DNAH5: variants seen among roughly 807,000 people sequenced by gnomAD.
The protein encoded by DNAH5 is axonemal beta dynein heavy chain 5.
DNAH5 carries 372 observed loss-of-function variants against 518.2 expected under a neutral mutation model. The ratio of observed to expected loss-of-function variants is 0.72; its 90% CI spans 0.66 to 0.78. The LOEUF (loss-of-function observed/expected upper bound fraction) is 0.78, where lower values mean the gene tolerates loss of function less well. Among genes scored for constraint, DNAH5 ranks in the 30% least tolerant of loss-of-function variants. The probability of loss-of-function intolerance (pLI) is 0.00; values close to 1 mark genes in which losing one functional copy is unlikely to be tolerated. For synonymous variants in DNAH5, 2,039 were observed against 2,025.9 expected (o/e 1.01, Z -0.17); for missense variants, 5,523 against 5,687.0 (o/e 0.97, Z 0.93).
In DNAH5 at chr5:13,873,961, G is replaced by GCTCCAA. The variant is rs1770510730; in HGVS notation, c.3397-2197_3397-2196insTTGGAG. On this transcript the variant is annotated intron_variant, in intron 22 of 78. Coordinates refer to ENST00000265104, the MANE Select transcript of DNAH5 (RefSeq NM_001369.3). ...AACTGAGCATTACAGGATTCTAAAT[G>GCTCCAA]GTCTGATTATTTTAAGTAAATTGCA... 5.3e-5 allele frequency among the ~76,000 whole-genome samples: 8 copies of GCTCCAA among 152,260 alleles called. No homozygotes were observed. In the South Asian group the frequency reaches 1.7e-3, roughly 32 times the overall value.
intron 78 of DNAH5, among the ~76,000 whole-genome samples, chr5:13,692,771 A>T (rs1284554044): frequency 1.3e-5 from 2 of 152,210 alleles, no homozygotes; most frequent in African/African-American, 4.8e-5. Flanking sequence ...CACTGCAATG[A>T]AAGGCAATCT....
At chr5:13,771,925 T>C (rs538384198) in intron 55 of DNAH5, among the ~76,000 whole-genome samples, 1 of 152,288 alleles carries the variant, frequency 6.6e-6, no homozygotes, top group African/African-American at 2.4e-5. Context: ...ACCCAATCAC[T>C]AAATTAAGTT....
intron 1 of DNAH5, among the ~76,000 whole-genome samples, chr5:13,935,302 G>GA (rs775824261): frequency 7.9e-5 from 12 of 151,732 alleles, no homozygotes; most frequent in Non-Finnish European, 1.5e-4. Flanking sequence ...TGATTCCAGA[G>GA]AAAAAAACAT....
At chr5:13,771,661 C>T (rs1329878120) in intron 55 of DNAH5, among the ~76,000 whole-genome samples, 3 of 152,142 alleles carry the variant, frequency 2.0e-5, no homozygotes, top group East Asian at 1.9e-4. Context: ...ATGCCTGTTG[C>T]GGAGCCACCA....
chr5:13,748,631 C>T (rs1749762657), intron 65 of DNAH5, among the ~76,000 whole-genome samples: 2 of 152,164 alleles, frequency 1.3e-5, no homozygotes, highest in African/African-American at 4.8e-5. Context: ...ATTCTATTCT[C>T]TTTGAAGCAA....
chr5:13,828,390 A>T (rs1763193704), intron 38 of DNAH5, among the ~76,000 whole-genome samples: 1 of 152,228 alleles, frequency 6.6e-6, no homozygotes, highest in South Asian at 2.1e-4. Flanking sequence ...TATTTAGCAT[A>T]TATTTCTAGT....
upstream of DNAH5, among the ~76,000 whole-genome samples, chr5:13,946,169 C>T (rs1779896664): frequency 1.3e-5 from 2 of 152,136 alleles, no homozygotes; most frequent in South Asian, 2.1e-4. Context: ...ACATTTGAAT[C>T]GGTGCTTCCC....
At chr5:13,936,682 T>G (rs1778952812) in intron 1 of DNAH5, among the ~76,000 whole-genome samples, 1 of 152,240 alleles carries the variant, frequency 6.6e-6, no homozygotes, top group South Asian at 2.1e-4. Flanking sequence ...TAAAATGGCA[T>G]GACCAAGGAT....
At chr5:13,849,888 G>C (rs1257797033) in intron 31 of DNAH5, among the ~76,000 whole-genome samples, 1 of 152,046 alleles carries the variant, frequency 6.6e-6, no homozygotes, top group African/African-American at 2.4e-5. Context: ...CAGTATTTAA[G>C]CCATCAACTG....
rs115010880 is a variant in DNAH5, at chr5:13,874,301, C to T, written c.3396+2383G>A. 4.4e-3 allele frequency among the ~76,000 whole-genome samples: 667 copies of T among 152,254 alleles called. 3 individuals carry two copies. Among genetic ancestry groups the T allele is most frequent in the African/African-American group, 0.015 (638 of 41,536 alleles). On this transcript the variant is annotated intron_variant, in intron 22 of 78. Transcript: ENST00000265104. Reference sequence around the variant, plus strand: ...TCCAGAATCCAGAGCTCTCTCACCACCCAAGCTTATAATATTAAGAATATA... The same window carrying T: ...TCCAGAATCCAGAGCTCTCTCACCATCCAAGCTTATAATATTAAGAATATA...
At chr5:13,964,331 G>C (rs549587324) in intron 1 of DNAH5, among the ~76,000 whole-genome samples, 1 of 152,272 alleles carries the variant, frequency 6.6e-6, no homozygotes, top group African/African-American at 2.4e-5. Context: ...GACTGGGTGA[G>C]TCTCTCCTGA....
At chr5:13,769,209 C>G (rs1182592514) in intron 57 of DNAH5, 73 bp from the exon 58 acceptor site, 5 of 1,510,170 alleles carry the variant, frequency 3.3e-6, no homozygotes, top group Non-Finnish European at 3.7e-6. Context: ...ACATTTTTGC[C>G]TTGATTTGTT....
intron 71 of DNAH5, among the ~76,000 whole-genome samples, chr5:13,720,206 C>T (rs1046092476): frequency 4.6e-5 from 7 of 151,532 alleles, no homozygotes; most frequent in Admixed American, 3.9e-4. Context: ...CTTATATTTT[C>T]TTCAGAAATT....
chr5:13,890,479 T>C (rs1016207669), intron 17 of DNAH5, among the ~76,000 whole-genome samples: 1 of 151,950 alleles, frequency 6.6e-6, no homozygotes, highest in African/African-American at 2.4e-5. Context: ...GTAGCGGATC[T>C]GTAAGCACAG....
chr5:13,831,940 T>A (rs1191348095), intron 35 of DNAH5, among the ~76,000 whole-genome samples: 1 of 152,156 alleles, frequency 6.6e-6, no homozygotes, highest in Non-Finnish European at 1.5e-5. Flanking sequence ...GAGTGACTTT[T>A]CTCAGGACTG....
intron 52 of DNAH5, among the ~76,000 whole-genome samples, chr5:13,782,342 A>G (rs1039813664): frequency 6.6e-6 from 1 of 152,144 alleles, no homozygotes; most frequent in Non-Finnish European, 1.5e-5. Context: ...GTTTTGAATT[A>G]CTTTCCCCAG....
At chr5:13,903,021 T>C (rs910653466) in intron 12 of DNAH5, among the ~76,000 whole-genome samples, 1 of 152,042 alleles carries the variant, frequency 6.6e-6, no homozygotes, top group African/African-American at 2.4e-5. Flanking sequence ...ACAAACAGAA[T>C]TAGTAACCAA....
intron 71 of DNAH5, among the ~76,000 whole-genome samples, chr5:13,720,513 G>A (rs945090322): frequency 2.0e-5 from 3 of 152,176 alleles, no homozygotes; most frequent in East Asian, 1.9e-4. Context: ...CTCCAAAGTA[G>A]ATGGGCCCAC....
chr5:13,783,280 G>A lies in DNAH5; in HGVS notation c.8821-2321C>T, dbSNP rs56917161. On this transcript the variant is annotated intron_variant, in intron 52 of 78. Coordinates refer to ENST00000265104, the MANE Select transcript of DNAH5 (RefSeq NM_001369.3). ...AGGTATGGAAATATCAGGATATAAG[G>A]CAGCAAAGGATTGTTTAGGGCTTAT... Among the ~76,000 whole-genome samples the A allele has an allele frequency of 2.2e-3, 342 of 152,258 alleles. 3 individuals carry two copies. The highest frequency in any genetic ancestry group is 8.0e-3 in the African/African-American group (331 of 41,556).
Sources: allele counts gnomAD v4.1 joint callset (sites outside exome capture counted in the v4.1 genomes callset), GRCh38; gene constraint gnomAD v4.1.1; transcripts MANE v1.5; gene names NCBI Gene and HGNC (gene_info 2026-07-23, HGNC 2026-07-21).